PPWD1: variants seen among roughly 807,000 people sequenced by gnomAD.
The protein encoded by PPWD1 is peptidylprolyl isomerase domain and WD repeat-containing protein 1.
PPWD1 carries 43 observed loss-of-function variants against 68.8 expected under a neutral mutation model. The ratio of observed to expected loss-of-function variants is 0.62; its 90% confidence interval spans 0.49 to 0.81. PPWD1 has a LOEUF of 0.81. PPWD1 is among the 30% of genes least tolerant of loss of function. The pLI is 0.00. For missense variants in PPWD1, 672 were observed against 804.8 expected, an observed-to-expected ratio of 0.83 and a Z score of 2.00; for synonymous variants, 232 against 258.7, an observed-to-expected ratio of 0.90 and a Z score of 0.99.
chr5:65,582,985 T>C (rs1330420214), intron 7 of PPWD1, 53 bp from the exon 8 acceptor site: 1 of 1,450,136 alleles, frequency 6.9e-7, no homozygotes, highest in Admixed American at 2.5e-5. Flanking sequence ...CATAAAATTT[T>C]TACCAGATGA....
Position 65,587,234 on chromosome 5 carries a change from C to T in PPWD1, c.1798-19C>T, listed in dbSNP as rs1482663784. ...GAAATTGGGGTTTACCAAGATTTTCCATTTGTCCTCCAACACAGCCTTGGC... is the reference window on the plus strand; with the variant it reads ...GAAATTGGGGTTTACCAAGATTTTCTATTTGTCCTCCAACACAGCCTTGGC... On this transcript the variant is annotated intron_variant, in intron 10 of 10. Coordinates refer to ENST00000261308, the MANE Select transcript of PPWD1 (RefSeq NM_015342.4). 8 of 1,580,358 alleles carry T rather than the reference C, an allele frequency of 5.1e-6. No homozygotes were observed. The East Asian group carries it at 1.8e-4, about 36-fold the overall frequency.
intron 5 of PPWD1, among the ~76,000 whole-genome samples, chr5:65,574,619 G>A (rs1004125132): frequency 6.6e-6 from 1 of 150,940 alleles, no homozygotes; most frequent in African/African-American, 2.4e-5. Context: ...GCCCGCCACT[G>A]CGCCCGGCTA....
intron 7 of PPWD1, among the ~76,000 whole-genome samples, chr5:65,582,267 A>G (rs986696463): frequency 1.3e-5 from 2 of 152,192 alleles, no homozygotes; most frequent in Admixed American, 6.5e-5. Context: ...CAGAGTTTTA[A>G]CAACTGAAAG....
chr5:65,583,116 G>C lies in PPWD1; in HGVS notation c.1429G>C (p.Glu477Gln). 6.2e-7 allele frequency: 1 copy of C among 1,613,568 alleles called. No homozygotes were observed. The highest frequency in any genetic ancestry group is 8.5e-7 in the Non-Finnish European group (1 of 1,179,804). Residue 477 changes from glutamate (E) to glutamine (Q), a missense_variant, in exon 8 of 11, where the codon GAA becomes CAA. Physicochemically the swap from Glu to Gln is conservative, Grantham distance 29 (BLOSUM62 2). Around this residue, in one of 2 missense-constraint regions of PPWD1, gnomAD observed 484 missense variants for 646.2 expected, o/e 0.75. Coordinates refer to ENST00000261308, the MANE Select transcript of PPWD1 (RefSeq NM_015342.4). ...TTTTAATGAGAAACCTTCTAAAGAA[G>C]AAGTCATGGCAGCTACTCAAGCTGA... ...DVFNEKPSKE[E>Q]VMAATQAEGP...
intron 9 of PPWD1, among the ~76,000 whole-genome samples, chr5:65,585,324 CTAAAG>C (rs998169621): frequency 9.2e-5 from 14 of 152,194 alleles, no homozygotes; most frequent in African/African-American, 1.2e-4. Flanking sequence ...TTGTCAGCAG[CTAAAG>C]TAAAGGGTAA....
intron 5 of PPWD1, 145 bp from the exon 6 acceptor site, chr5:65,576,734 C>A: frequency 1.5e-6 from 2 of 1,334,070 alleles, no homozygotes; most frequent in Middle Eastern, 2.3e-4. Flanking sequence ...GTTTAGAATC[C>A]CTCTTAAGAA....
chr5:65,584,865 G>T, intron 8 of PPWD1, 149 bp from the exon 9 acceptor site: 1 of 1,197,852 alleles, frequency 8.3e-7, no homozygotes, highest in Non-Finnish European at 1.1e-6. Context: ...CTTGTCCTGA[G>T]ATTAGAGATT....
intron 7 of PPWD1, among the ~76,000 whole-genome samples, 175 bp downstream of exon 7, chr5:65,579,788 G>GTTT (rs562554251): frequency 3.5e-4 from 53 of 152,274 alleles, no homozygotes; most frequent in Admixed American, 8.5e-4. Context: ...TTGATTTTAA[G>GTTT]TATTTCTGTA....
Position 65,585,019 on chromosome 5 carries a change from C to T in PPWD1, c.1538C>T (p.Pro513Leu), listed in dbSNP as rs1234867462. 3 of 1,611,098 alleles carry T rather than the reference C, an allele frequency of 1.9e-6. No individual in the cohort carries two copies. The South Asian group carries it at 3.3e-5, about 18-fold the overall frequency. ...IHTKLFPVEC[P>L]KTVENFCVHS... Reference sequence around the variant, plus strand: ...TGTAACATATGTCTTAATAGGTGCCCTAAGACAGTGGAAAACTTCTGTGTT... The same window carrying T: ...TGTAACATATGTCTTAATAGGTGCCTTAAGACAGTGGAAAACTTCTGTGTT... The change falls in exon 9 of 11, where the codon CCT becomes CTT. Residue 513 changes from proline (P) to leucine (L), a missense_variant. Pro to Leu is a moderately conservative substitution (Grantham distance 98). Coordinates refer to ENST00000261308, the MANE Select transcript of PPWD1 (RefSeq NM_015342.4).
chr5:65,573,475 A>AT (rs71728896), intron 5 of PPWD1, among the ~76,000 whole-genome samples: 882 of 67,752 alleles, frequency 0.013, 30 homozygotes, highest in African/African-American at 0.051. Flanking sequence ...ATATATATAT[A>AT]TTTTTTTTTT....
At chr5:65,583,679 T>C (rs1753696943) in intron 8 of PPWD1, among the ~76,000 whole-genome samples, 1 of 152,224 alleles carries the variant, frequency 6.6e-6, no homozygotes, top group African/African-American at 2.4e-5. Context: ...CTGGGTGCAG[T>C]GGCACGCACT....
rs1752836202 is a variant in PPWD1, at chr5:65,567,621, T to A, written c.299+6T>A. 6.4e-7 allele frequency: 1 copy of A among 1,571,584 alleles called. No homozygotes were observed. Among genetic ancestry groups the A allele is most frequent in the African/African-American group, 1.4e-5 (1 of 73,054 alleles). On this transcript the variant is annotated splice_donor_region_variant and intron_variant, in intron 2 of 10. Transcript: ENST00000261308. ...ACCCATGTGGTATGCACCAAGTAAG[T>A]CTATCACATCTTTTTTACTTTGTTC... is the stretch of plus-strand genomic sequence containing the variant.
At position 65,579,006 on chromosome 5, in the gene PPWD1, C is replaced by T. The variant is rs377268275; in HGVS notation, c.1161-418C>T. Among the ~76,000 whole-genome samples, 4 of 151,832 alleles carry T rather than the reference C, an allele frequency of 2.6e-5. No individual in the cohort carries two copies. The East Asian group carries it at 7.8e-4, about 29-fold the overall frequency. On this transcript the variant is annotated intron_variant, in intron 6 of 10. Transcript: ENST00000261308. ...CGATCTCGGCTCACAACCTCTGCCTCCTGAGTTCAAGTGATTCTTGTGTCT... is the reference window on the plus strand; with the variant it reads ...CGATCTCGGCTCACAACCTCTGCCTTCTGAGTTCAAGTGATTCTTGTGTCT...
chr5:65,578,827 TA>T (rs961848236), intron 6 of PPWD1, among the ~76,000 whole-genome samples: 2 of 148,886 alleles, frequency 1.3e-5, no homozygotes, highest in African/African-American at 4.9e-5. Flanking sequence ...TACTTTTTTT[TA>T]AAAAAAGAGT....
intron 6 of PPWD1, among the ~76,000 whole-genome samples, chr5:65,578,536 A>T (rs1012628225): frequency 6.6e-6 from 1 of 151,922 alleles, no homozygotes; most frequent in Admixed American, 6.6e-5. Context: ...ATTTTAATAG[A>T]TGTGTAATGG....
chr5:65,585,062 T>C lies in PPWD1; in HGVS notation c.1581T>C (p.Tyr527=). The change falls in exon 9 of 11, where the codon TAT becomes TAC. Residue 527 remains tyrosine (Y), a synonymous_variant. Coordinates refer to ENST00000261308, the MANE Select transcript of PPWD1 (RefSeq NM_015342.4). ...ENFCVHSRNG[Y]YNGHTFHRII... is the part of the protein sequence containing the mutation. ...TCTGTGTTCACAGCAGAAATGGTTA[T>C]TATAATGGGCATACATTTCACCGTA... The C allele has an allele frequency of 1.2e-6, 2 of 1,612,150 alleles. No individual in the cohort carries two copies. Among genetic ancestry groups the C allele is most frequent in the African/African-American group, 1.3e-5 (1 of 74,986 alleles).
chr5:65,575,943 C>G (rs1270336045), intron 5 of PPWD1, among the ~76,000 whole-genome samples: 1 of 152,180 alleles, frequency 6.6e-6, no homozygotes, highest in African/African-American at 2.4e-5. Flanking sequence ...CGTAACCTTG[C>G]TCAAGGACCT....
chr5:65,567,590 GTTA>G lies in PPWD1; in HGVS notation c.276_278del (p.Ile93del). 6.2e-7 allele frequency: 1 copy of G among 1,609,706 alleles called. No individual in the cohort carries two copies. Among genetic ancestry groups the G allele is most frequent in the Non-Finnish European group, 8.5e-7 (1 of 1,177,902 alleles). On this transcript the variant is annotated inframe_deletion, in exon 2 of 11. Coordinates refer to ENST00000261308, the MANE Select transcript of PPWD1 (RefSeq NM_015342.4). ...TGAGCGCAGTTACATGCATAGAGATGTTATCACCCATGTGGTATGCACCAAGTA... is the reference window on the plus strand; with the variant it reads ...TGAGCGCAGTTACATGCATAGAGATGTCACCCATGTGGTATGCACCAAGTA...
intron 5 of PPWD1, among the ~76,000 whole-genome samples, chr5:65,575,219 A>G (rs574745164): frequency 6.6e-6 from 1 of 152,234 alleles, no homozygotes; most frequent in African/African-American, 2.4e-5. Context: ...ATATAGGGAC[A>G]GATGACCACC....
Sources: allele counts gnomAD v4.1 joint callset (sites outside exome capture counted in the v4.1 genomes callset), GRCh38; gene constraint gnomAD v4.1.1; regional missense constraint gnomAD v4.1.1; transcripts MANE v1.5; gene names NCBI Gene and HGNC (gene_info 2026-07-23, HGNC 2026-07-21).